The following ADAMTSL1 variants were observed in gnomAD, a reference collection of about 807,000 sequenced individuals.
ADAMTSL1 encodes the protein ADAMTS-like protein 1.
In ADAMTSL1, 126 loss-of-function variants were observed where a neutral mutation model predicts 201.8. That is an observed-to-expected ratio of 0.62 (90% CI 0.54 to 0.72). The LOEUF is 0.72. ADAMTSL1 is among the 30% of genes least tolerant of loss of function. The probability of loss-of-function intolerance (pLI) is 0.00; values close to 1 mark genes in which losing one functional copy is unlikely to be tolerated. For synonymous variants in ADAMTSL1, 1,121 were observed against 903.4 expected (o/e 1.24, Z -4.32); for missense variants, 2,679 against 2,277.8 (o/e 1.18, Z -3.59).
At chr9:18,797,635 A>G (rs1337452789) in intron 20 of ADAMTSL1, among the ~76,000 whole-genome samples, 1 of 152,180 alleles carries the variant, frequency 6.6e-6, no homozygotes, top group Non-Finnish European at 1.5e-5. Flanking sequence ...AGTATCAGGC[A>G]TTTCTAAGTT....
At chr9:18,315,819 A>C (rs1226637250) in intron 2 of ADAMTSL1, among the ~76,000 whole-genome samples, 1 of 152,216 alleles carries the variant, frequency 6.6e-6, no homozygotes, top group Admixed American at 6.5e-5. Flanking sequence ...GCACAGCCAG[A>C]GTGGACACCA....
At chr9:18,699,592 A>C (rs1316581608) in intron 13 of ADAMTSL1, among the ~76,000 whole-genome samples, 7 of 152,018 alleles carry the variant, frequency 4.6e-5, no homozygotes, top group Non-Finnish European at 7.4e-5. Flanking sequence ...GGCCTCCAAA[A>C]ATGCTGGGAT....
chr9:18,568,296 A>T (rs1041073100), intron 3 of ADAMTSL1, among the ~76,000 whole-genome samples: 11 of 152,226 alleles, frequency 7.2e-5, no homozygotes, highest in Admixed American at 6.5e-4. Flanking sequence ...AAAGATACAG[A>T]AAGCCAAGTA....
chr9:18,116,669 T>A (rs188358980), intron 1 of ADAMTSL1, among the ~76,000 whole-genome samples: 204 of 152,324 alleles, frequency 1.3e-3, no homozygotes, highest in Middle Eastern at 0.01. Flanking sequence ...TAGGCCATTT[T>A]TATTAAAATT....
intron 1 of ADAMTSL1, among the ~76,000 whole-genome samples, chr9:18,056,397 T>C (rs1822185549): frequency 6.6e-6 from 1 of 152,120 alleles, no homozygotes; most frequent in Non-Finnish European, 1.5e-5. Flanking sequence ...GAGCCTCCAG[T>C]TATGGCTCAA....
At chr9:18,603,400 GCTATGC>G (rs1824796983) in intron 4 of ADAMTSL1, among the ~76,000 whole-genome samples, 1 of 145,564 alleles carries the variant, frequency 6.9e-6, no homozygotes, top group Non-Finnish European at 1.5e-5. Flanking sequence ...GCTATGCTAT[GCTATGC>G]TATGCTATGC....
At chr9:18,344,948 C>G (rs1479771842) in intron 2 of ADAMTSL1, among the ~76,000 whole-genome samples, 1 of 152,194 alleles carries the variant, frequency 6.6e-6, no homozygotes, top group Non-Finnish European at 1.5e-5. Context: ...GGGAGGCCCT[C>G]TTTTGACAGC....
At chr9:17,919,838 A>G (rs1449152083) in intron 1 of ADAMTSL1, among the ~76,000 whole-genome samples, 1 of 152,140 alleles carries the variant, frequency 6.6e-6, no homozygotes, top group East Asian at 1.9e-4. Flanking sequence ...GTATATACCT[A>G]GGAGTGTAAT....
chr9:18,263,194 C>G (rs1831989332), intron 2 of ADAMTSL1, among the ~76,000 whole-genome samples: 1 of 152,132 alleles, frequency 6.6e-6, no homozygotes, highest in Non-Finnish European at 1.5e-5. Context: ...CATGATAGCA[C>G]ATTTTGGACT....
At chr9:18,281,993 C>T (rs909667195) in intron 2 of ADAMTSL1, among the ~76,000 whole-genome samples, 1 of 152,048 alleles carries the variant, frequency 6.6e-6, no homozygotes, top group African/African-American at 2.4e-5. Context: ...CAGGAGGTAC[C>T]TGTACATTTT....
chr9:18,567,946 A>T (rs1343123674), intron 3 of ADAMTSL1, among the ~76,000 whole-genome samples: 1 of 152,210 alleles, frequency 6.6e-6, no homozygotes, highest in African/African-American at 2.4e-5. Context: ...ACTCTATTGT[A>T]ACTATGCAGT....
intron 2 of ADAMTSL1, among the ~76,000 whole-genome samples, chr9:18,260,406 C>T (rs74452652): frequency 6.2e-4 from 95 of 152,320 alleles, no homozygotes; most frequent in African/African-American, 1.6e-3. Context: ...AGAAATATTC[C>T]GCAAACATGA....
At chr9:18,473,715 G>C (rs1821312085), upstream of ADAMTSL1, among the ~76,000 whole-genome samples, 1 of 152,102 alleles carries the variant, frequency 6.6e-6, no homozygotes, top group Non-Finnish European at 1.5e-5. Flanking sequence ...ATATTGACAG[G>C]GATTAAGTTT....
At chr9:18,352,108 A>G (rs1215071891) in intron 2 of ADAMTSL1, among the ~76,000 whole-genome samples, 2 of 152,138 alleles carry the variant, frequency 1.3e-5, no homozygotes, top group South Asian at 2.1e-4. Context: ...AAATAGATGT[A>G]TTCTTTGTTC....
rs115467077 is a variant in ADAMTSL1 at position 18,408,054 on chromosome 9, T to C, written c.208-96775T>C. On this transcript the variant is annotated intron_variant, in intron 2 of 29. Transcript: ENST00000680146. Reference sequence around the variant, plus strand: ...GTCACTATGAAGTACATTGTGATGTTTGTATCAATTAAAATATGAGTAGAG... The same window carrying C: ...GTCACTATGAAGTACATTGTGATGTCTGTATCAATTAAAATATGAGTAGAG... 5.4e-3 allele frequency among the ~76,000 whole-genome samples: 828 copies of C among 152,340 alleles called. 9 individuals carry two copies. Among genetic ancestry groups the C allele is most frequent in the African/African-American group, 0.019 (777 of 41,570 alleles).
At chr9:18,179,423 G>A (rs1314920262) in intron 2 of ADAMTSL1, among the ~76,000 whole-genome samples, 2 of 152,180 alleles carry the variant, frequency 1.3e-5, no homozygotes, top group Admixed American at 1.3e-4. Context: ...AAGTGACGGG[G>A]AGAATGGAAC....
chr9:18,514,119 T>C (rs1008353503), intron 2 of ADAMTSL1, among the ~76,000 whole-genome samples: 1 of 152,206 alleles, frequency 6.6e-6, no homozygotes, highest in Non-Finnish European at 1.5e-5. Context: ...TTCCACTCCA[T>C]GAACATGGAA....
intron 1 of ADAMTSL1, among the ~76,000 whole-genome samples, chr9:18,478,218 G>C (rs12001288): frequency 6.6e-6 from 1 of 151,886 alleles, no homozygotes; most frequent in Non-Finnish European, 1.5e-5. Flanking sequence ...GTTAAGTGTC[G>C]TTAACTCTAT....
At chr9:18,219,835 T>C (rs912074507) in intron 2 of ADAMTSL1, among the ~76,000 whole-genome samples, 1 of 152,206 alleles carries the variant, frequency 6.6e-6, no homozygotes, top group Non-Finnish European at 1.5e-5. Context: ...GGGATACAAC[T>C]GATATCAAGT....
Sources: gnomAD v4.1 joint callset for allele counts (sites outside exome capture counted in the v4.1 genomes callset) on GRCh38, gnomAD v4.1.1 for gene constraint, MANE v1.5 for transcripts, NCBI Gene and HGNC (gene_info 2026-07-23, HGNC 2026-07-21) for gene names.